The following PSMC2 variants were observed in gnomAD, a reference collection of about 807,000 sequenced individuals.
The protein encoded by PSMC2 is 26S proteasome regulatory subunit 7.
A neutral mutation model predicts 53.3 loss-of-function variants in PSMC2; 7 were observed. That is an observed-to-expected ratio of 0.13 (90% CI 0.07 to 0.25). PSMC2 has a LOEUF of 0.25. Among genes scored for constraint, PSMC2 ranks in the 10% least tolerant of loss-of-function variants. PSMC2 has a pLI of 1.00. For missense variants in PSMC2, 241 were observed against 544.0 expected, an observed-to-expected ratio of 0.44 and a Z score of 5.54; for synonymous variants, 169 against 183.9, an observed-to-expected ratio of 0.92 and a Z score of 0.66.
At chr7:103,359,316 A>T (rs1013512309) in intron 4 of PSMC2, among the ~76,000 whole-genome samples, 1 of 151,812 alleles carries the variant, frequency 6.6e-6, no homozygotes, top group African/African-American at 2.4e-5. Flanking sequence ...AATTTTTTTA[A>T]TAACAATCTT....
chr7:103,366,781 A>G (rs1268188105), intron 9 of PSMC2, among the ~76,000 whole-genome samples: 2 of 152,198 alleles, frequency 1.3e-5, no homozygotes, highest in Non-Finnish European at 2.9e-5. Context: ...ATTTGATGAA[A>G]TACAGTATTA....
In PSMC2 at chr7:103,363,437, C is replaced by A; in HGVS notation, c.589C>A (p.His197Asn). The A allele has an allele frequency of 6.2e-7, 1 of 1,605,278 alleles. No individual in the cohort carries two copies. The highest frequency in any genetic ancestry group is 8.5e-7 in the Non-Finnish European group (1 of 1,172,020). Residue 197 changes from histidine (H) to asparagine (N), a missense_variant and splice_region_variant, in exon 7 of 12, where the codon CAT (histidine) becomes AAT (asparagine). By Grantham distance (68) the His-to-Asn change is moderately conservative. Around this residue, in one of 6 missense-constraint regions of PSMC2, gnomAD observed 75 missense variants for 185.1 expected, o/e 0.41. Transcript: ENST00000292644. ...AGAAGTAGTTGAAACCCCATTACTT[C>A]ATGTAAGTAGCTGAGTGTTGTATTT... ...LREVVETPLL[H>N]PERFVNLGIE...
intron 1 of PSMC2, among the ~76,000 whole-genome samples, chr7:103,352,002 C>T (rs1819753829): frequency 6.6e-6 from 1 of 151,742 alleles, no homozygotes; most frequent in South Asian, 2.1e-4. Flanking sequence ...CATATCTCAG[C>T]GAGCTAATTC....
chr7:103,367,403 G>T lies in PSMC2; in HGVS notation c.845-10G>T. 4.3e-6 allele frequency: 7 copies of T among 1,612,890 alleles called. No homozygotes were observed. The highest frequency in any genetic ancestry group is 5.9e-6 in the Non-Finnish European group (7 of 1,179,774). ...ACTTGAAGAGCTTATCTTTCCTTTT[G>T]TCTTCTCAGGGGCTCGTTTTGATGA... On this transcript the variant is annotated splice_polypyrimidine_tract_variant and intron_variant, in intron 9 of 11. Coordinates refer to ENST00000292644, the MANE Select transcript of PSMC2 (RefSeq NM_002803.4). This position sits in a 1 kb window ranked among gnomAD's most constrained non-coding sequence, Gnocchi z 6.1.
chr7:103,349,667 C>G (rs1410945086), intron 1 of PSMC2, among the ~76,000 whole-genome samples: 2 of 152,158 alleles, frequency 1.3e-5, no homozygotes, highest in African/African-American at 2.4e-5. Flanking sequence ...CCAGGCTGGT[C>G]TTGAACTCCT....
rs534414103 is a variant in PSMC2 at position 103,367,260 on chromosome 7, A to G, written c.845-153A>G. Among the ~76,000 whole-genome samples, 4 of 152,338 alleles carry G rather than the reference A, an allele frequency of 2.6e-5. No individual in the cohort carries two copies. In the South Asian group the frequency reaches 8.3e-4, roughly 32 times the overall value. On this transcript the variant is annotated intron_variant, in intron 9 of 11. Transcript: ENST00000292644. This position sits in a 1 kb window ranked among gnomAD's most constrained non-coding sequence, Gnocchi z 6.1. ...ATTCACTTTCTAATTAGTTTTATAT[A>G]AAGCAAGCTGTTCTTACAGGATTTG... is the stretch of plus-strand genomic sequence containing the variant.
intron 1 of PSMC2, 140 bp from the exon 2 acceptor site, chr7:103,353,781 T>G (rs930612313): frequency 5.6e-6 from 4 of 710,664 alleles, no homozygotes; most frequent in African/African-American, 1.8e-5. Flanking sequence ...TGATTGAATA[T>G]GTATCATCAT....
rs1819633722 is a variant in PSMC2 at position 103,347,710 on chromosome 7, A to G, written c.-2A>G. 6.2e-7 allele frequency: 1 copy of G among 1,613,840 alleles called. No homozygotes were observed. Among genetic ancestry groups the G allele is most frequent in the Non-Finnish European group, 8.5e-7 (1 of 1,179,898 alleles). On this transcript the variant is annotated 5_prime_UTR_variant, in exon 1 of 12. Coordinates refer to ENST00000292644, the MANE Select transcript of PSMC2 (RefSeq NM_002803.4). ...GGAGCGGAGGCTTTTGGAGCTGCTA[A>G]AATGCCGGATTACCTCGGTGCCGAT...
chr7:103,366,248 A>C, intron 9 of PSMC2, 85 bp downstream of exon 9: 1 of 1,237,810 alleles, frequency 8.1e-7, no homozygotes, highest in Non-Finnish European at 1.2e-6. Flanking sequence ...TTAATCTTGT[A>C]CAGAATTTTA....
At chr7:103,354,084 T>A in intron 2 of PSMC2, 126 bp downstream of exon 2, 3 of 718,304 alleles carry the variant, frequency 4.2e-6, no homozygotes, top group Non-Finnish European at 6.5e-6. Context: ...AAACAAAAAA[T>A]AAAATAAAAA....
At position 103,368,004 on chromosome 7, in the gene PSMC2, A is replaced by C; in HGVS notation, c.1252A>C (p.Lys418Gln). Reference protein sequence around the residue: ...DFLEAVNKVIKSYAKFSATPR... With the variant: ...DFLEAVNKVIQSYAKFSATPR... The stretch of plus-strand genomic sequence containing the variant: ...CTTGGAAGCTGTAAATAAGGTCATT[A>C]AGTCTTATGCCAAATTCAGTGCTAC... Residue 418 changes from lysine to glutamine, a missense_variant, in exon 12 of 12, where the codon AAG becomes CAG. Coordinates refer to ENST00000292644, the MANE Select transcript of PSMC2 (RefSeq NM_002803.4). 1 of 1,614,122 alleles carries C rather than the reference A, an allele frequency of 6.2e-7. No individual in the cohort carries two copies. The highest frequency in any genetic ancestry group is 8.5e-7 in the Non-Finnish European group (1 of 1,179,992).
intron 6 of PSMC2, among the ~76,000 whole-genome samples, chr7:103,362,982 C>T (rs1005451367): frequency 9.2e-5 from 14 of 151,676 alleles, no homozygotes; most frequent in African/African-American, 1.9e-4. Context: ...TTAGTAGAGA[C>T]GGTGTTTCAC....
intron 3 of PSMC2, among the ~76,000 whole-genome samples, chr7:103,355,161 A>T (rs758485987): frequency 7.2e-5 from 11 of 152,252 alleles, no homozygotes; most frequent in Non-Finnish European, 1.3e-4. Flanking sequence ...AATAAGAAAT[A>T]GTACCATCTT....
At chr7:103,353,032 G>A (rs556840838) in intron 1 of PSMC2, 14 of 770,064 alleles carry the variant, frequency 1.8e-5, no homozygotes, top group Admixed American at 6.8e-5. Flanking sequence ...TTGATTTGGG[G>A]ATTACAAATA....
intron 1 of PSMC2, chr7:103,348,600 G>T: frequency 9.6e-7 from 1 of 1,046,874 alleles, no homozygotes; most frequent in South Asian, 1.3e-5. Context: ...CTGAGACCAA[G>T]ATGGGTCACC....
At chr7:103,348,135 C>A (rs1473550908) in intron 1 of PSMC2, among the ~76,000 whole-genome samples, 2 of 152,144 alleles carry the variant, frequency 1.3e-5, no homozygotes, top group African/African-American at 4.8e-5. Flanking sequence ...CAGCCGGGAG[C>A]TGTCACTGTG....
intron 6 of PSMC2, 99 bp from the exon 7 acceptor site, chr7:103,363,245 G>A (rs900532878): frequency 4.4e-6 from 4 of 904,394 alleles, no homozygotes; most frequent in Non-Finnish European, 5.1e-6. Flanking sequence ...ATTCTCACTT[G>A]TGAGTTTTTC....
intron 6 of PSMC2, 83 bp downstream of exon 6, chr7:103,362,841 T>G: frequency 1.0e-5 from 11 of 1,063,064 alleles, no homozygotes; most frequent in Middle Eastern, 3.2e-4. Flanking sequence ...TTGTCCAGGC[T>G]GGAGTAGAAT....
chr7:103,352,960 T>C, intron 1 of PSMC2: 1 of 780,700 alleles, frequency 1.3e-6, no homozygotes, highest in Non-Finnish European at 2.4e-6. Flanking sequence ...TTGTTCTTAG[T>C]TGTGAACTTA....
Sources: gnomAD v4.1 joint callset for allele counts (sites outside exome capture counted in the v4.1 genomes callset) on GRCh38, gnomAD v4.1.1 for gene constraint, gnomAD v4.1.1 regional missense constraint, Gnocchi (gnomAD v3.1) non-coding constraint, MANE v1.5 for transcripts, NCBI Gene and HGNC (gene_info 2026-07-23, HGNC 2026-07-21) for gene names.